LAMA2: variants seen among roughly 807,000 people sequenced by gnomAD.
LAMA2 encodes laminin subunit alpha 2.
LAMA2 carries 269 observed loss-of-function variants against 364.8 expected under a neutral mutation model. The ratio of observed to expected loss-of-function variants is 0.74; its 90% CI spans 0.67 to 0.82. The LOEUF (loss-of-function observed/expected upper bound fraction) is 0.82. Ranked by LOEUF, LAMA2 falls within the 40% of genes least tolerant of loss-of-function variation. LAMA2 has a pLI of 0.00. For missense variants in LAMA2, 3,807 were observed against 3,873.2 expected (o/e 0.98, Z 0.45); for synonymous variants, 1,379 against 1,370.6 (o/e 1.01, Z -0.14).
intron 8 of LAMA2, chr6:129,157,736 C>G: frequency 6.2e-7 from 1 of 1,612,098 alleles, no homozygotes; most frequent in Non-Finnish European, 8.5e-7. Context: ...ACGGATCACT[C>G]GGTACCATGT....
chr6:129,484,182 G>T (rs966738910), intron 55 of LAMA2, among the ~76,000 whole-genome samples: 3 of 152,164 alleles, frequency 2.0e-5, no homozygotes, highest in Non-Finnish European at 4.4e-5. Flanking sequence ...AATCTACAGG[G>T]AATACAGTCC....
At chr6:128,980,930 C>G (rs1389385749) in intron 1 of LAMA2, among the ~76,000 whole-genome samples, 1 of 152,194 alleles carries the variant, frequency 6.6e-6, no homozygotes, top group Non-Finnish European at 1.5e-5. Context: ...TTAATTTATA[C>G]ATTAATTGAT....
intron 8 of LAMA2, chr6:129,158,715 G>T: frequency 2.5e-6 from 4 of 1,614,168 alleles, no homozygotes; most frequent in Non-Finnish European, 3.4e-6. Context: ...GGGCATGTGG[G>T]TTGCAAATAC....
chr6:129,313,264 G>T (rs1774345541), intron 23 of LAMA2, among the ~76,000 whole-genome samples, 167 bp downstream of exon 23: 1 of 152,094 alleles, frequency 6.6e-6, no homozygotes, highest in Non-Finnish European at 1.5e-5. Context: ...GCATTTGTTG[G>T]CATACCGATA....
intron 1 of LAMA2, among the ~76,000 whole-genome samples, chr6:129,043,127 CT>C (rs1787220970): frequency 6.6e-6 from 1 of 152,128 alleles, no homozygotes; most frequent in African/African-American, 2.4e-5. Context: ...ATGCAGCAGA[CT>C]TTTGATTGTT....
chr6:129,102,509 T>C (rs886457385), intron 4 of LAMA2, among the ~76,000 whole-genome samples: 4 of 152,096 alleles, frequency 2.6e-5, no homozygotes, highest in Non-Finnish European at 5.9e-5. Flanking sequence ...TTTAATTTAA[T>C]AATATGATTT....
At chr6:129,054,486 G>A (rs1788325098) in intron 2 of LAMA2, among the ~76,000 whole-genome samples, 1 of 152,072 alleles carries the variant, frequency 6.6e-6, no homozygotes, top group Non-Finnish European at 1.5e-5. Flanking sequence ...GAAAGCCCAG[G>A]GGCATGAACG....
At chr6:129,294,474 C>G (rs781722706) in intron 20 of LAMA2, among the ~76,000 whole-genome samples, 1 of 152,128 alleles carries the variant, frequency 6.6e-6, no homozygotes, top group Non-Finnish European at 1.5e-5. Context: ...CCCACTGGAA[C>G]CTCACTTGGG....
In LAMA2 at chr6:129,453,089, T is replaced by A. The variant is rs1244983337; in HGVS notation, c.6531T>A (p.Ala2177=). ...YNNIVVNVKT[A]VADNLLFYLG... The stretch of plus-strand genomic sequence containing the variant: ...ATATTGTTGTCAACGTAAAGACAGC[T>A]GTTGCTGATAACCTCCTCTTTTATC... The change falls in exon 46 of 65, where the codon GCT becomes GCA. Residue 2177 remains alanine (A), a synonymous_variant. Coordinates refer to ENST00000421865, the MANE Select transcript of LAMA2 (RefSeq NM_000426.4). 8 of 1,613,190 alleles carry A rather than the reference T, an allele frequency of 5.0e-6. No individual in the cohort carries two copies. The highest frequency in any genetic ancestry group is 6.8e-6 in the Non-Finnish European group (8 of 1,179,502).
chr6:129,443,072 C>T lies in LAMA2; in HGVS notation c.6274+4C>T, dbSNP rs73775410. The T allele has an allele frequency of 4.6e-3, 7,305 of 1,591,668 alleles. 303 individuals carry two copies. In the African/African-American group the frequency reaches 0.087, roughly 19 times the overall value. ...GTGAAATTGCCTGCAGAAATCAGTA[C>T]GTATATGTTTACTTATATACCTTTT... On this transcript the variant is annotated splice_donor_region_variant and intron_variant, in intron 44 of 64. Transcript: ENST00000421865.
Position 129,453,107 on chromosome 6 carries a change from C to G in LAMA2, c.6549C>G (p.Leu2183=). 1 of 1,612,964 alleles carries G rather than the reference C, an allele frequency of 6.2e-7. No individual in the cohort carries two copies. The highest frequency in any genetic ancestry group is 1.7e-5 in the Admixed American group (1 of 59,988). The change falls in exon 46 of 65, where the codon CTC becomes CTG. Residue 2183 remains leucine, a synonymous_variant. Transcript: ENST00000421865. ...NVKTAVADNL[L]FYLGSAKFID... ...AGACAGCTGTTGCTGATAACCTCCT[C>G]TTTTATCTTGGAAGTGCCAAATTTG...
chr6:129,227,165 A>C (rs1018886348), intron 12 of LAMA2, among the ~76,000 whole-genome samples: 2 of 152,168 alleles, frequency 1.3e-5, no homozygotes, highest in Admixed American at 1.3e-4. Flanking sequence ...TTCTCGTGCC[A>C]TAGTTTTCAG....
chr6:129,217,491 A>G (rs1420689631), intron 12 of LAMA2, among the ~76,000 whole-genome samples: 1 of 152,158 alleles, frequency 6.6e-6, no homozygotes. Context: ...CTTCTGTAAG[A>G]CTACCAGAGA....
chr6:128,986,186 G>T (rs1013143861), intron 1 of LAMA2, among the ~76,000 whole-genome samples: 20 of 152,108 alleles, frequency 1.3e-4, no homozygotes, highest in African/African-American at 2.9e-4. Flanking sequence ...GTTGGTAAGA[G>T]TGTCTTCAAC....
At position 129,351,769 on chromosome 6, in the gene LAMA2, C is replaced by G. The variant is rs180785825; in HGVS notation, c.4524-1395C>G. 9.9e-5 allele frequency among the ~76,000 whole-genome samples: 15 copies of G among 152,198 alleles called. No individual in the cohort carries two copies. In the East Asian group the frequency reaches 2.9e-3, roughly 29 times the overall value. On this transcript the variant is annotated intron_variant, in intron 31 of 64. Coordinates refer to ENST00000421865, the MANE Select transcript of LAMA2 (RefSeq NM_000426.4). ...AATCAATCTGAATCTGCTTAGAATA[C>G]AATTATTTTACCTATAAATGTTAAG...
intron 63 of LAMA2, 40 bp from the exon 64 acceptor site, chr6:129,514,333 A>T: frequency 7.2e-7 from 1 of 1,393,192 alleles, no homozygotes; most frequent in Non-Finnish European, 1.0e-6. Flanking sequence ...ATACTTCTTT[A>T]ATGAAACCAT....
intron 28 of LAMA2, among the ~76,000 whole-genome samples, chr6:129,326,189 G>A (rs1775269363): frequency 6.6e-6 from 1 of 152,164 alleles, no homozygotes; most frequent in Non-Finnish European, 1.5e-5. Flanking sequence ...AGAATAAGGA[G>A]CTTGCCAGTG....
intron 1 of LAMA2, among the ~76,000 whole-genome samples, chr6:128,917,819 G>A (rs1778438823): frequency 7.2e-6 from 1 of 138,592 alleles, no homozygotes; most frequent in African/African-American, 2.7e-5. Context: ...TTGTGCCCTT[G>A]ACATCTCAGT....
intron 35 of LAMA2, among the ~76,000 whole-genome samples, chr6:129,390,625 C>T (rs1779265817): frequency 6.6e-6 from 1 of 151,728 alleles, no homozygotes; most frequent in African/African-American, 2.4e-5. Flanking sequence ...CTCTTAAATT[C>T]ACCAAAAAAA....
Sources: allele counts gnomAD v4.1 joint callset (sites outside exome capture counted in the v4.1 genomes callset), GRCh38; gene constraint gnomAD v4.1.1; transcripts MANE v1.5; gene names NCBI Gene and HGNC (gene_info 2026-07-23, HGNC 2026-07-21).